Variants in TACR1 observed in about 807,000 individuals in gnomAD.
TACR1 encodes the protein substance-P receptor.
In TACR1, 25 loss-of-function variants were observed where a neutral mutation model predicts 35.8. That is an observed-to-expected ratio of 0.70 (90% CI 0.51 to 0.98). TACR1 has a LOEUF of 0.98. Among genes scored for constraint, TACR1 ranks in the 50% least tolerant of loss-of-function variants. The pLI is 0.00. For missense variants in TACR1, 478 were observed against 522.9 expected, an observed-to-expected ratio of 0.91 and a Z score of 0.84; for synonymous variants, 195 against 206.7, an observed-to-expected ratio of 0.94 and a Z score of 0.48.
At chr2:75,098,977 G>T (rs1673478763) in intron 2 of TACR1, among the ~76,000 whole-genome samples, 1 of 151,664 alleles carries the variant, frequency 6.6e-6, no homozygotes, top group South Asian at 2.1e-4. Context: ...TGGAGTGAGG[G>T]TTCTCCTGCT....
Position 75,119,406 on chromosome 2 carries a change from T to G in TACR1, c.584+1168A>C, listed in dbSNP as rs1181344751. On this transcript the variant is annotated intron_variant, in intron 2 of 4. Transcript: ENST00000305249. ...AATCTTGTAATTAAAATTCAGATCTTTTGATTCTAACACCAGTGTTCTTTT... is the reference window on the plus strand; with the variant it reads ...AATCTTGTAATTAAAATTCAGATCTGTTGATTCTAACACCAGTGTTCTTTT... 2.0e-5 allele frequency among the ~76,000 whole-genome samples: 3 copies of G among 152,224 alleles called. No homozygotes were observed. The East Asian group carries it at 5.8e-4, about 29-fold the overall frequency.
intron 1 of TACR1, among the ~76,000 whole-genome samples, chr2:75,172,032 A>G (rs1282672407): frequency 1.3e-5 from 2 of 152,230 alleles, no homozygotes; most frequent in Non-Finnish European, 2.9e-5. Context: ...ATTTCTTCAT[A>G]GCAGTATGAA....
chr2:75,108,258 A>G (rs1245326005), intron 2 of TACR1, among the ~76,000 whole-genome samples: 1 of 152,118 alleles, frequency 6.6e-6, no homozygotes, highest in Non-Finnish European at 1.5e-5. Flanking sequence ...ATATTGATAT[A>G]AAAATCCTAT....
At chr2:75,140,744 A>G (rs1002992124) in intron 1 of TACR1, among the ~76,000 whole-genome samples, 16 of 152,222 alleles carry the variant, frequency 1.1e-4, no homozygotes, top group African/African-American at 3.9e-4. Flanking sequence ...GAGGAAAAGG[A>G]CCAGGTTGTG....
chr2:75,144,271 G>C (rs1292645502), intron 1 of TACR1, among the ~76,000 whole-genome samples: 1 of 152,222 alleles, frequency 6.6e-6, no homozygotes, highest in African/African-American at 2.4e-5. Flanking sequence ...GGGCTTCTGA[G>C]ATAAAGTGGA....
At chr2:75,058,613 T>G (rs1672615766) in intron 2 of TACR1, among the ~76,000 whole-genome samples, 1 of 152,206 alleles carries the variant, frequency 6.6e-6, no homozygotes. Context: ...AGCACCATGA[T>G]TTTGATCATT....
At chr2:75,138,098 A>G (rs1861723) in intron 1 of TACR1, among the ~76,000 whole-genome samples, 18,971 of 152,268 alleles carry the variant, frequency 0.12, 1,373 homozygotes, top group Middle Eastern at 0.22. Flanking sequence ...ACGACAGGTG[A>G]GGAAACTGGG....
intron 1 of TACR1, among the ~76,000 whole-genome samples, chr2:75,159,954 G>C (rs1282456780): frequency 1.3e-5 from 2 of 152,126 alleles, no homozygotes; most frequent in African/African-American, 4.8e-5. Context: ...GACTCTACAG[G>C]AATCAATACC....
chr2:75,104,683 A>G (rs371850202), intron 2 of TACR1, among the ~76,000 whole-genome samples: 1 of 152,122 alleles, frequency 6.6e-6, no homozygotes, highest in Admixed American at 6.5e-5. Context: ...AATCATATCA[A>G]GTATCTTTTT....
At chr2:75,191,065 C>T (rs975264199) in intron 1 of TACR1, among the ~76,000 whole-genome samples, 30 of 152,194 alleles carry the variant, frequency 2.0e-4, no homozygotes, top group Admixed American at 2.0e-4. Flanking sequence ...AGCACCTCTT[C>T]ATCTTTGGTG....
intron 1 of TACR1, among the ~76,000 whole-genome samples, chr2:75,156,992 A>G (rs1399161548): frequency 6.6e-6 from 1 of 152,138 alleles, no homozygotes; most frequent in Admixed American, 6.5e-5. Flanking sequence ...CATGATGGAG[A>G]TGGGAGTCGG....
chr2:75,053,062 G>A (rs771510311), intron 3 of TACR1, among the ~76,000 whole-genome samples: 4 of 151,730 alleles, frequency 2.6e-5, no homozygotes, highest in Admixed American at 6.6e-5. Context: ...GTTTTTTTTG[G>A]TGTATAGATT....
chr2:75,054,067 G>A lies in TACR1; in HGVS notation c.585-312C>T, dbSNP rs374724933. On this transcript the variant is annotated intron_variant, in intron 2 of 4. Coordinates refer to ENST00000305249, the MANE Select transcript of TACR1 (RefSeq NM_001058.4). ...GCACTGAATCTGTTGTATACCCATA[G>A]CGATTTCAGTTGATGATCAGTTCAA... Among the ~76,000 whole-genome samples the A allele has an allele frequency of 3.9e-4, 60 of 152,216 alleles. No homozygotes were observed. In the East Asian group the frequency reaches 4.8e-3, roughly 12 times the overall value.
intron 2 of TACR1, among the ~76,000 whole-genome samples, chr2:75,109,199 G>T (rs1053923841): frequency 5.3e-5 from 8 of 152,150 alleles, no homozygotes; most frequent in African/African-American, 1.7e-4. Context: ...CGGCATCGCG[G>T]TAAGAAACTG....
intron 2 of TACR1, among the ~76,000 whole-genome samples, chr2:75,096,958 C>T (rs1238425804): frequency 6.6e-6 from 1 of 152,240 alleles, no homozygotes; most frequent in Non-Finnish European, 1.5e-5. Flanking sequence ...CAACCCCTAT[C>T]TCTCTTGTAT....
At position 75,048,897 on chromosome 2, in the gene TACR1, A is replaced by G. The variant is rs1423659056; in HGVS notation, c.*535T>C. 3 of 153,698 alleles carry G rather than the reference A, an allele frequency of 2.0e-5. No individual in the cohort carries two copies. Among genetic ancestry groups the G allele is most frequent in the African/African-American group, 7.2e-5 (3 of 41,436 alleles). 9.5% of individuals were successfully genotyped at this position (153,698 alleles called of 1,614,324 possible). ...TGAGATGCCAAAAAGGGGAATACAT[A>G]TGTTTCTTTTCACAGATGCTTAGAA... On this transcript the variant is annotated 3_prime_UTR_variant, in exon 5 of 5. Transcript: ENST00000305249.
At chr2:75,131,714 A>G (rs1674182525) in intron 1 of TACR1, among the ~76,000 whole-genome samples, 1 of 152,300 alleles carries the variant, frequency 6.6e-6, no homozygotes, top group Middle Eastern at 3.4e-3. Flanking sequence ...CAGTAACGGA[A>G]CTAATTTATT....
intron 1 of TACR1, among the ~76,000 whole-genome samples, chr2:75,195,492 C>A (rs1014045370): frequency 2.6e-5 from 4 of 151,990 alleles, no homozygotes. Context: ...CTGCAATCTG[C>A]AACTGAAGTT....
At chr2:75,096,334 G>A (rs550676474) in intron 2 of TACR1, among the ~76,000 whole-genome samples, 10 of 152,162 alleles carry the variant, frequency 6.6e-5, no homozygotes, top group Non-Finnish European at 1.5e-4. Flanking sequence ...CCCAGTGGAG[G>A]CTCCTTAGAA....
Sources: gnomAD v4.1 joint callset for allele counts (sites outside exome capture counted in the v4.1 genomes callset) on GRCh38, gnomAD v4.1.1 for gene constraint, MANE v1.5 for transcripts, NCBI Gene and HGNC (gene_info 2026-07-23, HGNC 2026-07-21) for gene names.